Variants in CPM observed in about 807,000 individuals in gnomAD.
The protein encoded by CPM is renal carboxypeptidase.
CPM carries 35 observed loss-of-function variants against 46.4 expected under a neutral mutation model. The observed-to-expected ratio is 0.75, with a 90% confidence interval of 0.58 to 1.00. The LOEUF is 1.00. Ranked by LOEUF, CPM falls within the 50% of genes least tolerant of loss-of-function variation. The pLI, the probability that CPM is intolerant of heterozygous loss-of-function variation, is 0.00. For synonymous variants in CPM, 195 were observed against 195.3 expected (o/e 1.00, Z 0.01); for missense variants, 422 against 530.4 (o/e 0.80, Z 2.01).
intron 1 of CPM, among the ~76,000 whole-genome samples, chr12:68,941,496 C>T (rs577898566): frequency 6.6e-6 from 1 of 152,134 alleles, no homozygotes; most frequent in Non-Finnish European, 1.5e-5. Flanking sequence ...ACCTGAGCCT[C>T]CCGGGTAGCT....
intron 3 of CPM, among the ~76,000 whole-genome samples, chr12:68,883,276 A>G (rs1886274916): frequency 6.6e-6 from 1 of 152,232 alleles, no homozygotes; most frequent in Non-Finnish European, 1.5e-5. Context: ...TTTCAATTTC[A>G]AAAGATCTAT....
chr12:68,944,443 G>T (rs997949521), intron 1 of CPM, among the ~76,000 whole-genome samples: 1 of 152,124 alleles, frequency 6.6e-6, no homozygotes, highest in African/African-American at 2.4e-5. Context: ...TTGCTCTGTT[G>T]CCCAGGCTGG....
intron 2 of CPM, among the ~76,000 whole-genome samples, chr12:68,907,117 C>T (rs895229503): frequency 6.6e-6 from 1 of 152,152 alleles, no homozygotes; most frequent in Middle Eastern, 3.2e-3. Context: ...CTGCTTGCAC[C>T]AGAGCAGTGG....
chr12:68,900,084 A>G (rs1255926493), intron 2 of CPM, among the ~76,000 whole-genome samples: 3 of 152,212 alleles, frequency 2.0e-5, no homozygotes, highest in Non-Finnish European at 4.4e-5. Flanking sequence ...GAGAATGAAA[A>G]GGTAAGCCAC....
At position 68,855,044 on chromosome 12, in the gene CPM, G is replaced by C; in HGVS notation, c.*1393C>G. ...ACTAATTTTTTTTTTTTTTTTAGTA[G>C]AGATGGGGTTTCACCATGTTGGCCA... On this transcript the variant is annotated 3_prime_UTR_variant, in exon 9 of 9. Transcript: ENST00000551568. The C allele has an allele frequency of 6.7e-6, 1 of 149,102 alleles. No homozygotes were observed. Among genetic ancestry groups the C allele is most frequent in the East Asian group, 2.0e-4 (1 of 5,124 alleles). 9.2% of individuals were successfully genotyped at this position (149,102 alleles called of 1,614,324 possible). A position where few individuals can be genotyped will look rare whatever the true frequency, so the allele number is the denominator to read the frequency against.
intron 5 of CPM, 124 bp from the exon 6 acceptor site, chr12:68,869,619 C>G: frequency 1.3e-6 from 1 of 765,918 alleles, no homozygotes; most frequent in Non-Finnish European, 2.0e-6. Context: ...AGAGAGAAAT[C>G]CTTCATCCAC....
intron 2 of CPM, among the ~76,000 whole-genome samples, chr12:68,915,186 C>T (rs979290680): frequency 8.6e-5 from 13 of 151,994 alleles, no homozygotes; most frequent in Non-Finnish European, 1.9e-4. Context: ...AAATATTTTC[C>T]CTATGTATCA....
chr12:68,875,026 G>A (rs1885880394), intron 3 of CPM, among the ~76,000 whole-genome samples: 1 of 152,144 alleles, frequency 6.6e-6, no homozygotes. Context: ...ATTAGATTAA[G>A]CAGTCTTGGT....
chr12:68,885,706 T>G (rs1886396789), intron 3 of CPM, 86 bp downstream of exon 3: 10 of 1,102,400 alleles, frequency 9.1e-6, no homozygotes, highest in Non-Finnish European at 1.3e-5. Context: ...TTCTCCAGGC[T>G]TCCTCGGTAG....
intron 2 of CPM, among the ~76,000 whole-genome samples, chr12:68,924,580 T>C (rs547198390): frequency 6.6e-6 from 1 of 152,286 alleles, no homozygotes; most frequent in East Asian, 1.9e-4. Context: ...CTCTGCGTAT[T>C]ATGTTAAAGG....
At chr12:68,868,414 C>T (rs959838178) in intron 6 of CPM, among the ~76,000 whole-genome samples, 2 of 152,158 alleles carry the variant, frequency 1.3e-5, no homozygotes, top group Admixed American at 1.3e-4. Context: ...TTAGGGAAGG[C>T]ACCTTTGGAA....
chr12:68,859,344 C>G (rs1885112713), intron 7 of CPM, among the ~76,000 whole-genome samples: 1 of 152,168 alleles, frequency 6.6e-6, no homozygotes, highest in South Asian at 2.1e-4. Context: ...AGATGACAAC[C>G]TAAGATCCAT....
At chr12:68,868,624 T>C (rs1885560737) in intron 6 of CPM, among the ~76,000 whole-genome samples, 1 of 152,156 alleles carries the variant, frequency 6.6e-6, no homozygotes, top group Admixed American at 6.5e-5. Flanking sequence ...TCCTTCCATG[T>C]TGCCTACATG....
intron 6 of CPM, among the ~76,000 whole-genome samples, chr12:68,868,615 C>T (rs1031227349): frequency 1.3e-5 from 2 of 152,152 alleles, no homozygotes. Flanking sequence ...GAATATCTCT[C>T]CTTCCATGTT....
intron 2 of CPM, among the ~76,000 whole-genome samples, chr12:68,917,159 C>T (rs1475017821): frequency 6.6e-6 from 1 of 151,858 alleles, no homozygotes; most frequent in Non-Finnish European, 1.5e-5. Context: ...CAATATGCTC[C>T]TTCACCTCCA....
intron 2 of CPM, among the ~76,000 whole-genome samples, chr12:68,922,492 G>T (rs1463783505): frequency 6.6e-6 from 1 of 152,192 alleles, no homozygotes; most frequent in South Asian, 2.1e-4. Context: ...ACTAAAGACT[G>T]GGGTAGTAGG....
At chr12:68,873,515 A>G (rs1253839931) in intron 3 of CPM, among the ~76,000 whole-genome samples, 1 of 152,046 alleles carries the variant, frequency 6.6e-6, no homozygotes, top group African/African-American at 2.4e-5. Context: ...AAAATAAGAA[A>G]TTAGCCAGGC....
chr12:68,959,622 T>C (rs563239338), intron 1 of CPM, among the ~76,000 whole-genome samples: 67 of 152,294 alleles, frequency 4.4e-4, no homozygotes, highest in Admixed American at 1.6e-3. Context: ...CAGATGTGGG[T>C]GAAACATCAT....
At chr12:68,925,401 G>C (rs191616932) in intron 2 of CPM, among the ~76,000 whole-genome samples, 1 of 152,278 alleles carries the variant, frequency 6.6e-6, no homozygotes, top group Admixed American at 6.5e-5. Context: ...ATTTGAACTT[G>C]GGCAGGTGAT....
Sources: gnomAD v4.1 joint callset for allele counts (sites outside exome capture counted in the v4.1 genomes callset) on GRCh38, gnomAD v4.1.1 for gene constraint, MANE v1.5 for transcripts, NCBI Gene and HGNC (gene_info 2026-07-23, HGNC 2026-07-21) for gene names.